PDXK: variants seen among roughly 807,000 people sequenced by gnomAD.
PDXK encodes the protein pyridoxal kinase.
A neutral mutation model predicts 43.2 loss-of-function variants in PDXK; 15 were observed. The observed-to-expected ratio is 0.35, with a 90% CI of 0.23 to 0.53. The LOEUF (loss-of-function observed/expected upper bound fraction) is 0.53, where lower values mean the gene tolerates loss of function less well. Ranked by LOEUF, PDXK falls within the 20% of genes least tolerant of loss-of-function variation. The probability of loss-of-function intolerance (pLI) is 0.92; values close to 1 mark genes in which losing one functional copy is unlikely to be tolerated. For missense variants in PDXK, 343 were observed against 417.0 expected (o/e 0.82, Z 1.54); for synonymous variants, 172 against 165.4 (o/e 1.04, Z -0.31).
In PDXK at chr21:43,749,033, AGTG is replaced by A. The variant is rs781290248; in HGVS notation, c.421_423del (p.Val141del). ...ACCTCCTTCCCGTCTACAAAGAAAA[AGTG>A]GTGCCGCTTGCAGACATTATCACGC... On this transcript the variant is annotated inframe_deletion, in exon 6 of 11. Transcript: ENST00000291565. 5 of 1,612,884 alleles carry A rather than the reference AGTG, an allele frequency of 3.1e-6. No homozygotes were observed. Among genetic ancestry groups the A allele is most frequent in the Non-Finnish European group, 4.2e-6 (5 of 1,178,984 alleles).
intron 2 of PDXK, among the ~76,000 whole-genome samples, chr21:43,740,835 TG>T (rs1256511942): frequency 2.0e-5 from 3 of 151,326 alleles, no homozygotes; most frequent in Non-Finnish European, 4.4e-5. Flanking sequence ...TTAATAAGCT[TG>T]TTGGGGAGGA....
rs193223753 is a variant in PDXK, at chr21:43,759,313, A to C, written c.*3250A>C. On this transcript the variant is annotated 3_prime_UTR_variant, in exon 11 of 11. Coordinates refer to ENST00000291565, the MANE Select transcript of PDXK (RefSeq NM_003681.5). ...ATTGCGGGGCCCCGAGCAGCTCCCC[A>C]CTCTGCCCGTCCACCTTCCCTGGCT... 4 of 153,672 alleles carry C rather than the reference A, an allele frequency of 2.6e-5. No individual in the cohort carries two copies. The highest frequency in any genetic ancestry group is 5.9e-5 in the Non-Finnish European group (4 of 68,026). 9.5% of individuals were successfully genotyped at this position (153,672 alleles called of 1,614,324 possible).
intron 6 of PDXK, 144 bp downstream of exon 6, chr21:43,749,224 C>A: frequency 2.0e-6 from 1 of 496,646 alleles, no homozygotes. Context: ...CCTGCCTCAG[C>A]CTCCCGAGTA....
At chr21:43,749,186 C>T in intron 6 of PDXK, 106 bp downstream of exon 6, 3 of 602,292 alleles carry the variant, frequency 5.0e-6, no homozygotes, top group Non-Finnish European at 8.6e-6. Flanking sequence ...CTCACTGCAA[C>T]CTCTGTCTCC....
intron 1 of PDXK, among the ~76,000 whole-genome samples, chr21:43,724,848 A>G (rs1485563093): frequency 6.6e-6 from 1 of 151,908 alleles, no homozygotes; most frequent in African/African-American, 2.4e-5. Flanking sequence ...CTCAAAAAAA[A>G]AAAAAAGTAA....
intron 1 of PDXK, among the ~76,000 whole-genome samples, chr21:43,721,352 G>C (rs1245087316): frequency 3.3e-5 from 5 of 152,248 alleles, no homozygotes; most frequent in Non-Finnish European, 7.3e-5. Context: ...ATGTGGCTTA[G>C]GACTCCAAAG....
intron 1 of PDXK, among the ~76,000 whole-genome samples, chr21:43,726,011 A>ATT (rs2083249635): frequency 1.6e-5 from 2 of 126,690 alleles, no homozygotes; most frequent in South Asian, 5.2e-4. Flanking sequence ...TCTAGCTGGG[A>ATT]TTCTCTCTCT....
Position 43,734,168 on chromosome 21 carries a change from G to T in PDXK, c.142+45G>T. On this transcript the variant is annotated intron_variant, in intron 2 of 10. Coordinates refer to ENST00000291565, the MANE Select transcript of PDXK (RefSeq NM_003681.5). The surrounding 1 kb of genome is among the most constrained non-coding windows in gnomAD (Gnocchi z 5.0). Reference sequence around the variant, plus strand: ...AGCTGGCATAGAGCAGACTGTGGGTGTGAGGGACGGGGCGGAGTGTGGGTG... The same window carrying T: ...AGCTGGCATAGAGCAGACTGTGGGTTTGAGGGACGGGGCGGAGTGTGGGTG... 1 of 1,537,316 alleles carries T rather than the reference G, an allele frequency of 6.5e-7. No individual in the cohort carries two copies. Among genetic ancestry groups the T allele is most frequent in the Non-Finnish European group, 8.9e-7 (1 of 1,128,534 alleles).
At chr21:43,748,909 A>G (rs2083684960) in intron 5 of PDXK, 86 bp from the exon 6 acceptor site, 1 of 779,942 alleles carries the variant, frequency 1.3e-6, no homozygotes. Flanking sequence ...TTGGGGGAGC[A>G]CTCCGTGGTG....
In PDXK at chr21:43,728,006, G is replaced by T. The variant is rs111508593; in HGVS notation, c.88-6063G>T. ...GTGAGCCCAGCACCTGGCAGCCCCTGCCCAGCTGGTGCACGGTCCCTCTGC... is the reference window on the plus strand; with the variant it reads ...GTGAGCCCAGCACCTGGCAGCCCCTTCCCAGCTGGTGCACGGTCCCTCTGC... On this transcript the variant is annotated intron_variant, in intron 1 of 10. Coordinates refer to ENST00000291565, the MANE Select transcript of PDXK (RefSeq NM_003681.5). 2.7e-3 allele frequency among the ~76,000 whole-genome samples: 409 copies of T among 152,314 alleles called. 4 individuals carry two copies. The highest frequency in any genetic ancestry group is 9.7e-3 in the African/African-American group (403 of 41,572).
intron 7 of PDXK, among the ~76,000 whole-genome samples, chr21:43,751,583 A>T (rs756305468): frequency 2.0e-4 from 31 of 152,048 alleles, no homozygotes; most frequent in Non-Finnish European, 3.7e-4. Context: ...ACAAAACAGA[A>T]CTTTGTTCCC....
At chr21:43,746,032 TC>T in intron 4 of PDXK, 46 bp from the exon 5 acceptor site, 1 of 1,461,102 alleles carries the variant, frequency 6.8e-7, no homozygotes, top group Non-Finnish European at 9.6e-7. Context: ...GGTTTCTTAC[TC>T]GTCAGCTGTA....
At chr21:43,745,718 C>A in intron 4 of PDXK, 1 of 219,502 alleles carries the variant, frequency 4.6e-6, no homozygotes, top group Non-Finnish European at 9.1e-6. Flanking sequence ...AGAAAAAAGC[C>A]AAATGTGGTT....
rs2083337181 is a variant in PDXK at position 43,732,772 on chromosome 21, T to C, written c.88-1297T>C. The C allele has an allele frequency of 4.9e-6, 3 of 613,176 alleles. No individual in the cohort carries two copies. Among genetic ancestry groups the C allele is most frequent in the South Asian group, 4.0e-5 (2 of 49,706 alleles). 38.0% of individuals were successfully genotyped at this position (613,176 alleles called of 1,614,324 possible). A position where few individuals can be genotyped will look rare whatever the true frequency, so the allele number is the denominator to read the frequency against. On this transcript the variant is annotated intron_variant, in intron 1 of 10. Transcript: ENST00000291565. The surrounding 1 kb of genome is among the most constrained non-coding windows in gnomAD (Gnocchi z 4.1). Reference sequence around the variant, plus strand: ...TTTTATTTTTATGTTTTTTGAGACATATTCTCACTCCGTCACCCAGGCTAG... The same window carrying C: ...TTTTATTTTTATGTTTTTTGAGACACATTCTCACTCCGTCACCCAGGCTAG...
In PDXK at chr21:43,756,780, C is replaced by G. The variant is rs2083859409; in HGVS notation, c.*717C>G. On this transcript the variant is annotated 3_prime_UTR_variant, in exon 11 of 11. Coordinates refer to ENST00000291565, the MANE Select transcript of PDXK (RefSeq NM_003681.5). ...CCTCTTGTAACCCATCGGCATCTTC[C>G]AGGAATCCGCCGAGTGACTTGAGGA... The G allele has an allele frequency of 6.6e-6, 1 of 152,244 alleles. No homozygotes were observed. Among genetic ancestry groups the G allele is most frequent in the Admixed American group, 6.5e-5 (1 of 15,282 alleles). 9.4% of individuals were successfully genotyped at this position (152,244 alleles called of 1,614,324 possible). A position where few individuals can be genotyped will look rare whatever the true frequency, so the allele number is the denominator to read the frequency against.
chr21:43,750,932 A>G (rs762398), intron 7 of PDXK, among the ~76,000 whole-genome samples: 52,681 of 146,188 alleles, frequency 0.36, 9,138 homozygotes, highest in East Asian at 0.49. Context: ...GTGTGTGCGT[A>G]TGTGTGCACG....
In PDXK at chr21:43,756,154, C is replaced by A; in HGVS notation, c.*91C>A. 1.4e-6 allele frequency: 1 copy of A among 710,566 alleles called. No homozygotes were observed. The highest frequency in any genetic ancestry group is 2.4e-6 in the Non-Finnish European group (1 of 415,326). 44.0% of individuals were successfully genotyped at this position (710,566 alleles called of 1,614,324 possible). ...TGTAACGTCTGCCTTAGAGCCATGA[C>A]CGAAACTTGATATTTTTTTCTTTCA... is the stretch of plus-strand genomic sequence containing the variant. On this transcript the variant is annotated 3_prime_UTR_variant, in exon 11 of 11. Coordinates refer to ENST00000291565, the MANE Select transcript of PDXK (RefSeq NM_003681.5).
At chr21:43,729,127 C>A in intron 1 of PDXK, 1 of 596,164 alleles carries the variant, frequency 1.7e-6, no homozygotes, top group Non-Finnish European at 2.1e-6. Context: ...CTTCCCACCC[C>A]GGCTCCGCTG....
In PDXK at chr21:43,753,738, T is replaced by C. The variant is rs1232899228; in HGVS notation, c.759+19T>C. 2.5e-6 allele frequency: 4 copies of C among 1,599,386 alleles called. No individual in the cohort carries two copies. Among genetic ancestry groups the C allele is most frequent in the Admixed American group, 1.7e-5 (1 of 59,120 alleles). ...CCTCAAGGTCAGCCACACGCACCGC[T>C]CCCCTCCTCGCCCACTCCCACGGCA... On this transcript the variant is annotated intron_variant, in intron 9 of 10. Transcript: ENST00000291565.
Sources: allele counts gnomAD v4.1 joint callset (sites outside exome capture counted in the v4.1 genomes callset), GRCh38; gene constraint gnomAD v4.1.1; non-coding constraint Gnocchi (gnomAD v3.1); transcripts MANE v1.5; gene names NCBI Gene and HGNC (gene_info 2026-07-23, HGNC 2026-07-21).